The following ATXN7L1 variants were observed in gnomAD, a reference collection of about 807,000 sequenced individuals.
The protein encoded by ATXN7L1 is ataxin 7 like 1.
In ATXN7L1, 15 loss-of-function variants were observed where a neutral mutation model predicts 70.8. That is an observed-to-expected ratio of 0.21 (90% CI 0.14 to 0.33). ATXN7L1 has a LOEUF of 0.33. Among genes scored for constraint, ATXN7L1 ranks in the 10% least tolerant of loss-of-function variants. ATXN7L1 has a pLI of 1.00. For missense variants in ATXN7L1, 975 were observed against 1,097.1 expected (o/e 0.89, Z 1.57); for synonymous variants, 440 against 445.1 (o/e 0.99, Z 0.14).
At chr7:105,757,555 A>T (rs1406337868) in intron 3 of ATXN7L1, among the ~76,000 whole-genome samples, 8 of 109,206 alleles carry the variant, frequency 7.3e-5, no homozygotes, top group African/African-American at 1.0e-4. Flanking sequence ...TTTTTCAGTT[A>T]CCATCCTAGT....
chr7:105,653,208 G>A (rs1372549635), intron 4 of ATXN7L1, among the ~76,000 whole-genome samples: 2 of 152,154 alleles, frequency 1.3e-5, no homozygotes, highest in African/African-American at 4.8e-5. Context: ...AGCACTTTGG[G>A]AGGCTGAGGT....
chr7:105,709,535 A>G (rs141362204), intron 3 of ATXN7L1, among the ~76,000 whole-genome samples: 2 of 152,152 alleles, frequency 1.3e-5, no homozygotes, highest in Admixed American at 6.5e-5. Context: ...CTTACAATCC[A>G]GACCACTAGA....
chr7:105,760,348 T>C (rs1476990039), intron 3 of ATXN7L1: 1 of 921,368 alleles, frequency 1.1e-6, no homozygotes, highest in Non-Finnish European at 1.3e-6. Context: ...AGGATCCCCA[T>C]TATTTTATAT....
At chr7:105,664,963 T>G in intron 4 of ATXN7L1, 103 bp downstream of exon 4, 2 of 1,177,890 alleles carry the variant, frequency 1.7e-6, no homozygotes, top group Non-Finnish European at 1.2e-6. Context: ...AATTCCTGCA[T>G]GTGACACCTA....
intron 9 of ATXN7L1, among the ~76,000 whole-genome samples, chr7:105,619,125 A>T (rs888932795): frequency 2.3e-5 from 3 of 130,632 alleles, no homozygotes; most frequent in Non-Finnish European, 4.9e-5. Flanking sequence ...GTCCACAACC[A>T]TAATGAAATC....
At chr7:105,803,809 C>CTAT (rs1486191112) in intron 2 of ATXN7L1, among the ~76,000 whole-genome samples, 1 of 152,202 alleles carries the variant, frequency 6.6e-6, no homozygotes, top group Non-Finnish European at 1.5e-5. Context: ...ATGATTTTAC[C>CTAT]TATTTCCACC....
chr7:105,777,703 C>T lies in ATXN7L1; in HGVS notation c.355+10901G>A, dbSNP rs576483940. Among the ~76,000 whole-genome samples the T allele has an allele frequency of 8.5e-5, 13 of 152,344 alleles. No homozygotes were observed. The South Asian group carries it at 2.5e-3, about 29-fold the overall frequency. The stretch of plus-strand genomic sequence containing the variant: ...TGTTACCGCTAGCTATGCATTAGCT[C>T]CTTCCGGGTCTCCTGGGCTCCACTG... On this transcript the variant is annotated intron_variant, in intron 3 of 11. Coordinates refer to ENST00000419735, the MANE Select transcript of ATXN7L1 (RefSeq NM_020725.2).
At chr7:105,729,632 A>G (rs908875530) in intron 3 of ATXN7L1, among the ~76,000 whole-genome samples, 3 of 151,456 alleles carry the variant, frequency 2.0e-5, no homozygotes, top group Non-Finnish European at 4.4e-5. Context: ...GTTTCACCAC[A>G]TTGCTCAGGC....
chr7:105,613,664 C>T, intron 10 of ATXN7L1, 198 bp downstream of exon 10: 1 of 1,445,840 alleles, frequency 6.9e-7, no homozygotes, highest in East Asian at 2.5e-5. Flanking sequence ...AGAACAGTGT[C>T]TAGCACATAG....
intron 3 of ATXN7L1, among the ~76,000 whole-genome samples, chr7:105,774,951 C>T (rs1276737714): frequency 6.6e-6 from 1 of 152,028 alleles, no homozygotes; most frequent in Non-Finnish European, 1.5e-5. Context: ...ATAACAGAAA[C>T]CAAATCTTAA....
intron 2 of ATXN7L1, among the ~76,000 whole-genome samples, chr7:105,811,251 C>T (rs1353994938): frequency 6.6e-6 from 1 of 152,086 alleles, no homozygotes; most frequent in Non-Finnish European, 1.5e-5. Context: ...ACAGGGAGAA[C>T]ACCATGTGAT....
At chr7:105,701,727 CAG>C (rs1405823336) in intron 3 of ATXN7L1, among the ~76,000 whole-genome samples, 1 of 152,028 alleles carries the variant, frequency 6.6e-6, no homozygotes, top group Non-Finnish European at 1.5e-5. Flanking sequence ...TTTTTAGAGA[CAG>C]GGTCTCGCTC....
At chr7:105,718,844 G>T (rs891220139) in intron 3 of ATXN7L1, among the ~76,000 whole-genome samples, 2 of 152,236 alleles carry the variant, frequency 1.3e-5, no homozygotes, top group Admixed American at 1.3e-4. Flanking sequence ...CAGAAGCCAA[G>T]AGAAGGTTAC....
At position 105,720,093 on chromosome 7, in the gene ATXN7L1, G is replaced by C. The variant is rs569764139; in HGVS notation, c.356-54805C>G. Among the ~76,000 whole-genome samples, 24 of 152,288 alleles carry C rather than the reference G, an allele frequency of 1.6e-4. No homozygotes were observed. The South Asian group carries it at 4.8e-3, about 30-fold the overall frequency. Reference sequence around the variant, plus strand: ...ATCTGGAGCCAGGAGTGTGCTTCTTGCTTCTTTAAATAGTCCGAATACCAT... The same window carrying C: ...ATCTGGAGCCAGGAGTGTGCTTCTTCCTTCTTTAAATAGTCCGAATACCAT... On this transcript the variant is annotated intron_variant, in intron 3 of 11. Coordinates refer to ENST00000419735, the MANE Select transcript of ATXN7L1 (RefSeq NM_020725.2).
At chr7:105,823,021 C>G (rs1048410094) in intron 2 of ATXN7L1, among the ~76,000 whole-genome samples, 2 of 151,936 alleles carry the variant, frequency 1.3e-5, no homozygotes, top group Non-Finnish European at 2.9e-5. Context: ...ATTAAAATAG[C>G]TTGAAAGCCA....
chr7:105,652,432 G>A (rs901564542), intron 4 of ATXN7L1, among the ~76,000 whole-genome samples: 5 of 152,188 alleles, frequency 3.3e-5, no homozygotes, highest in Admixed American at 6.5e-5. Flanking sequence ...TGCAGGGAGC[G>A]CTGGTGCAGG....
intron 3 of ATXN7L1, among the ~76,000 whole-genome samples, chr7:105,782,801 G>T (rs1423102415): frequency 1.3e-5 from 2 of 152,162 alleles, no homozygotes; most frequent in African/African-American, 4.8e-5. Flanking sequence ...TCATATTCAG[G>T]CCAGCATTTC....
intron 3 of ATXN7L1, among the ~76,000 whole-genome samples, chr7:105,732,228 C>T (rs1244456137): frequency 1.3e-5 from 2 of 151,984 alleles, no homozygotes; most frequent in African/African-American, 4.8e-5. Context: ...TGACCAACAT[C>T]GTGAAACCCT....
At chr7:105,623,174 G>C (rs1201441987) in intron 8 of ATXN7L1, among the ~76,000 whole-genome samples, 6 of 152,154 alleles carry the variant, frequency 3.9e-5, no homozygotes, top group Admixed American at 3.9e-4. Flanking sequence ...CTTGGCCTTC[G>C]TTCATGACAT....
Sources: allele counts gnomAD v4.1 joint callset (sites outside exome capture counted in the v4.1 genomes callset), GRCh38; gene constraint gnomAD v4.1.1; transcripts MANE v1.5; gene names NCBI Gene and HGNC (gene_info 2026-07-23, HGNC 2026-07-21).